Variants in NAALAD2 observed in about 807,000 individuals in gnomAD.
NAALAD2 encodes the protein N-acetylated alpha-linked acidic dipeptidase 2.
Under a neutral mutation model 95.6 loss-of-function variants are expected in NAALAD2, and 89 were observed. The observed-to-expected ratio is 0.93, with a 90% confidence interval of 0.78 to 1.11. The LOEUF (loss-of-function observed/expected upper bound fraction) is 1.11. Ranked by LOEUF, NAALAD2 falls within the 50% of genes least tolerant of loss-of-function variation. The pLI is 0.00. For missense variants in NAALAD2, 894 were observed against 872.4 expected, an observed-to-expected ratio of 1.02 and a Z score of -0.31; for synonymous variants, 264 against 294.4, an observed-to-expected ratio of 0.90 and a Z score of 1.06.
At chr11:90,155,630 T>A (rs1190043500) in intron 6 of NAALAD2, among the ~76,000 whole-genome samples, 1 of 39,022 alleles carries the variant, frequency 2.6e-5, no homozygotes, top group Non-Finnish European at 3.8e-5. Context: ...ACATATATAT[T>A]AATATATATA....
chr11:90,163,103 A>G (rs1387349302), intron 9 of NAALAD2, 69 bp downstream of exon 9: 1 of 1,283,896 alleles, frequency 7.8e-7, no homozygotes, highest in East Asian at 2.3e-5. Context: ...GATAAATTGT[A>G]GTCAACAATT....
chr11:90,158,113 T>C, intron 6 of NAALAD2, 32 bp from the exon 7 acceptor site: 1 of 1,450,710 alleles, frequency 6.9e-7, no homozygotes, highest in Non-Finnish European at 9.6e-7. Context: ...GATTTTTAAA[T>C]TGTTTTCATT....
At chr11:90,162,428 A>T (rs1041926893) in intron 8 of NAALAD2, 3 of 152,086 alleles carry the variant, frequency 2.0e-5, no homozygotes, top group African/African-American at 7.2e-5. Flanking sequence ...TATAGGTGGC[A>T]CTCAACCAGC....
At chr11:90,168,678 G>C (rs1952548755) in intron 11 of NAALAD2, among the ~76,000 whole-genome samples, 1 of 151,794 alleles carries the variant, frequency 6.6e-6, no homozygotes, top group South Asian at 2.1e-4. Context: ...TTTTTTCTTA[G>C]GGCTCTCTGC....
At chr11:90,144,115 T>C (rs774488214) in intron 2 of NAALAD2, among the ~76,000 whole-genome samples, 1 of 152,090 alleles carries the variant, frequency 6.6e-6, no homozygotes, top group Non-Finnish European at 1.5e-5. Flanking sequence ...TGAAGAGAGA[T>C]ACACATACAA....
chr11:90,150,685 C>G (rs1265408683), intron 5 of NAALAD2, 78 bp downstream of exon 5: 25 of 1,275,910 alleles, frequency 2.0e-5, no homozygotes, highest in Non-Finnish European at 2.5e-5. Flanking sequence ...ACTTGCTTCT[C>G]TGTTTCCAAA....
intron 18 of NAALAD2, among the ~76,000 whole-genome samples, chr11:90,188,480 G>A (rs1415507488): frequency 6.6e-6 from 1 of 152,092 alleles, no homozygotes; most frequent in Non-Finnish European, 1.5e-5. Context: ...ACAGTTCTAG[G>A]GGCTGGGAAG....
intron 18 of NAALAD2, among the ~76,000 whole-genome samples, chr11:90,186,433 G>A (rs896596081): frequency 2.0e-5 from 3 of 151,988 alleles, no homozygotes; most frequent in African/African-American, 7.3e-5. Context: ...TATCATTGTT[G>A]GACATTTGGG....
At chr11:90,187,988 TGATG>T (rs760604339) in intron 18 of NAALAD2, among the ~76,000 whole-genome samples, 1 of 152,164 alleles carries the variant, frequency 6.6e-6, no homozygotes, top group African/African-American at 2.4e-5. Context: ...TGCAGCCACG[TGATG>T]GATGAAGAGT....
At chr11:90,172,929 C>T (rs1028682977) in intron 13 of NAALAD2, among the ~76,000 whole-genome samples, 3 of 152,048 alleles carry the variant, frequency 2.0e-5, no homozygotes, top group Non-Finnish European at 2.9e-5. Flanking sequence ...AACAAATACA[C>T]CAAGTTATAA....
chr11:90,190,919 A>G (rs1461558021), intron 18 of NAALAD2, among the ~76,000 whole-genome samples: 1 of 152,130 alleles, frequency 6.6e-6, no homozygotes, highest in Non-Finnish European at 1.5e-5. Context: ...GCAAAATTCT[A>G]CGTCATTATT....
chr11:90,137,195 C>A (rs2134817496), intron 2 of NAALAD2, among the ~76,000 whole-genome samples: 1 of 151,686 alleles, frequency 6.6e-6, no homozygotes, highest in East Asian at 1.9e-4. Flanking sequence ...ATGATGGTTA[C>A]CAGAAACTAG....
intron 17 of NAALAD2, among the ~76,000 whole-genome samples, chr11:90,182,209 TTC>T (rs1952993907): frequency 6.6e-6 from 1 of 152,174 alleles, no homozygotes; most frequent in African/African-American, 2.4e-5. Flanking sequence ...TCTTGCCACT[TTC>T]ACATTGAAAA....
At chr11:90,146,283 A>G (rs1445416329) in intron 2 of NAALAD2, among the ~76,000 whole-genome samples, 1 of 136,080 alleles carries the variant, frequency 7.3e-6, no homozygotes, top group African/African-American at 2.8e-5. Flanking sequence ...CCGGTTAACT[A>G]AAAAAAAAAA....
chr11:90,174,751 CATT>C (rs1389152853), intron 14 of NAALAD2, among the ~76,000 whole-genome samples: 2 of 151,572 alleles, frequency 1.3e-5, no homozygotes, highest in Non-Finnish European at 2.9e-5. Flanking sequence ...TTTTTCTAAA[CATT>C]ATGTAATAAA....
chr11:90,173,803 G>A (rs368748039), intron 13 of NAALAD2, 21 bp from the exon 14 acceptor site: 17 of 1,576,090 alleles, frequency 1.1e-5, no homozygotes, highest in African/African-American at 1.4e-5. Context: ...CTAATTTCCA[G>A]TATTTGATTT....
chr11:90,185,313 AC>A (rs947245599), intron 18 of NAALAD2, among the ~76,000 whole-genome samples: 1 of 152,020 alleles, frequency 6.6e-6, no homozygotes, highest in African/African-American at 2.4e-5. Context: ...AAATATGTAA[AC>A]CCATTTATAT....
chr11:90,159,216 T>C, intron 7 of NAALAD2, 23 bp from the exon 8 acceptor site: 1 of 1,562,764 alleles, frequency 6.4e-7, no homozygotes, highest in Non-Finnish European at 8.8e-7. Flanking sequence ...CCTTTTTCTG[T>C]CACTTTCATT....
chr11:90,163,144 A>G (rs888953793), intron 9 of NAALAD2, 110 bp downstream of exon 9: 16 of 1,201,618 alleles, frequency 1.3e-5, no homozygotes, highest in Admixed American at 7.3e-5. Flanking sequence ...ATTTGAAACT[A>G]CTAAATTTTG....
Sources: gnomAD v4.1 joint callset for allele counts (sites outside exome capture counted in the v4.1 genomes callset) on GRCh38, gnomAD v4.1.1 for gene constraint, MANE v1.5 for transcripts, NCBI Gene and HGNC (gene_info 2026-07-23, HGNC 2026-07-21) for gene names.